Variants in ANKRD17 observed in about 807,000 individuals in gnomAD.
ANKRD17 encodes ankyrin repeat domain 17.
In ANKRD17, 19 loss-of-function variants were observed where a neutral mutation model predicts 229.7. The observed-to-expected ratio is 0.08, with a 90% CI of 0.06 to 0.12. The LOEUF (loss-of-function observed/expected upper bound fraction) is 0.12. Among genes scored for constraint, ANKRD17 ranks in the 10% least tolerant of loss-of-function variants. ANKRD17 has a pLI of 1.00. For synonymous variants in ANKRD17, 1,112 were observed against 1,146.1 expected, an observed-to-expected ratio of 0.97 and a Z score of 0.60; for missense variants, 2,176 against 3,176.8, an observed-to-expected ratio of 0.68 and a Z score of 7.57.
At chr4:73,131,472 T>C (rs1728188027) in intron 16 of ANKRD17, among the ~76,000 whole-genome samples, 1 of 152,260 alleles carries the variant, frequency 6.6e-6, no homozygotes, top group Non-Finnish European at 1.5e-5. Flanking sequence ...TTCTTCCTTA[T>C]ATTTTGATGT....
intron 16 of ANKRD17, among the ~76,000 whole-genome samples, chr4:73,130,707 G>T (rs191393846): frequency 1.3e-5 from 2 of 151,486 alleles, no homozygotes; most frequent in East Asian, 3.9e-4. Context: ...AAGCAGTTTA[G>T]GAATATAGGG....
At chr4:73,161,070 C>T (rs1298240080) in intron 3 of ANKRD17, 122 bp downstream of exon 3, 7 of 1,216,742 alleles carry the variant, frequency 5.8e-6, no homozygotes, top group Non-Finnish European at 7.8e-6. Flanking sequence ...AATAAGACAT[C>T]ACATGTTAAG....
chr4:73,186,006 G>A (rs1395557230), intron 1 of ANKRD17, among the ~76,000 whole-genome samples: 6 of 151,776 alleles, frequency 4.0e-5, no homozygotes, highest in Non-Finnish European at 7.4e-5. Flanking sequence ...AGTAAGCCTG[G>A]AAAAATATGG....
chr4:73,097,171 G>A lies in ANKRD17; in HGVS notation c.5123C>T (p.Ala1708Val). Residue 1708 changes from alanine (A) to valine (V), a missense_variant, in exon 27 of 34, where the codon GCA becomes GTA. Ala to Val is a moderately conservative substitution (Grantham distance 64). Transcript: ENST00000358602. ...LSSPNGKLTV[A>V]SPKRGQKREE... ...CCTCTTTTGCCCACGCTTAGGACTT[G>A]CTACTGTTAACTTCCCATTTGGAGA... 6.2e-7 allele frequency: 1 copy of A among 1,612,306 alleles called. No individual in the cohort carries two copies. The highest frequency in any genetic ancestry group is 8.5e-7 in the Non-Finnish European group (1 of 1,179,382).
intron 1 of ANKRD17, among the ~76,000 whole-genome samples, chr4:73,258,064 C>A (rs1176693561): frequency 6.7e-6 from 1 of 148,758 alleles, no homozygotes; most frequent in Non-Finnish European, 1.5e-5. Flanking sequence ...ACTCTGTGAA[C>A]TCCGTGGTCC....
At chr4:73,206,948 C>T (rs1299623266) in intron 1 of ANKRD17, among the ~76,000 whole-genome samples, 1 of 152,008 alleles carries the variant, frequency 6.6e-6, no homozygotes, top group Non-Finnish European at 1.5e-5. Flanking sequence ...CTCAGCCTCC[C>T]GAATAGCTGG....
chr4:73,247,015 A>C (rs545398947), intron 1 of ANKRD17, among the ~76,000 whole-genome samples: 2 of 152,224 alleles, frequency 1.3e-5, no homozygotes, highest in South Asian at 4.1e-4. Context: ...TGTGAAAACA[A>C]TGTCAAGGGA....
At chr4:73,138,138 C>T (rs1729148961) in intron 15 of ANKRD17, among the ~76,000 whole-genome samples, 1 of 152,112 alleles carries the variant, frequency 6.6e-6, no homozygotes, top group Non-Finnish European at 1.5e-5. Context: ...TTAATGGTTA[C>T]TGTGCTCCAA....
At position 73,241,206 on chromosome 4, in the gene ANKRD17, T is replaced by C. The variant is rs568249033; in HGVS notation, c.393+17070A>G. On this transcript the variant is annotated intron_variant, in intron 1 of 33. Coordinates refer to ENST00000358602, the MANE Select transcript of ANKRD17 (RefSeq NM_032217.5). ...TAAAATAAAGGCATTATTCAAATAA[T>C]GAGGACAGACTATGAAACAGATAAG... Among the ~76,000 whole-genome samples the C allele has an allele frequency of 2.0e-5, 3 of 152,308 alleles. No individual in the cohort carries two copies. The South Asian group carries it at 6.2e-4, about 32-fold the overall frequency.
At position 73,077,511 on chromosome 4, in the gene ANKRD17, A is replaced by G. The variant is rs1392807913; in HGVS notation, c.7431T>C (p.Pro2477=). 4 of 1,611,216 alleles carry G rather than the reference A, an allele frequency of 2.5e-6. No homozygotes were observed. In the Admixed American group the frequency reaches 6.7e-5, roughly 27 times the overall value. ...GNQDKVDWCN[P]GMGNPMIHRP... ...TGTGGATCATAGGATTTCCCATCCCAGGGTTACACCAGTCTACTTTGTCTG... is the reference window on the plus strand; with the variant it reads ...TGTGGATCATAGGATTTCCCATCCCGGGGTTACACCAGTCTACTTTGTCTG... Residue 2477 remains proline, a synonymous_variant, in exon 32 of 34, where the codon CCT becomes CCC. Transcript: ENST00000358602.
chr4:73,099,277 C>A, intron 25 of ANKRD17: 1 of 559,524 alleles, frequency 1.8e-6, no homozygotes, highest in Non-Finnish European at 3.2e-6. Flanking sequence ...CCACCCCCAT[C>A]CTTCCACCTG....
intron 2 of ANKRD17, among the ~76,000 whole-genome samples, chr4:73,163,015 T>A (rs1249660600): frequency 6.6e-6 from 1 of 151,310 alleles, no homozygotes; most frequent in African/African-American, 2.4e-5. Flanking sequence ...CATGTCACCA[T>A]GCCTGGCTAA....
Position 73,098,486 on chromosome 4 carries a change from G to T in ANKRD17, c.4608C>A (p.Ala1536=). 1 of 1,613,512 alleles carries T rather than the reference G, an allele frequency of 6.2e-7. No individual in the cohort carries two copies. Among genetic ancestry groups the T allele is most frequent in the Non-Finnish European group, 8.5e-7 (1 of 1,179,910 alleles). Residue 1536 remains alanine (A), a synonymous_variant, in exon 26 of 34, where the codon GCC becomes GCA. Coordinates refer to ENST00000358602, the MANE Select transcript of ANKRD17 (RefSeq NM_032217.5). ...ATATACCTATGGTAGTAGTGGTTGT[G>T]GCACTTGGAGGTTCTGTCAAGACTT... The part of the protein sequence containing the change: ...EPEVLTEPPS[A]TTTTTIGISA...
At position 73,125,075 on chromosome 4, in the gene ANKRD17, A is replaced by G; in HGVS notation, c.3347-17T>C. On this transcript the variant is annotated splice_polypyrimidine_tract_variant and intron_variant, in intron 17 of 33. Coordinates refer to ENST00000358602, the MANE Select transcript of ANKRD17 (RefSeq NM_032217.5). Reference sequence around the variant, plus strand: ...GAGTAAAACCTGGAGAAAAATAATGATCTTCTCACTACATGCTAAGGCAAA... The same window carrying G: ...GAGTAAAACCTGGAGAAAAATAATGGTCTTCTCACTACATGCTAAGGCAAA... 6.2e-7 allele frequency: 1 copy of G among 1,613,934 alleles called. No homozygotes were observed. The highest frequency in any genetic ancestry group is 8.5e-7 in the Non-Finnish European group (1 of 1,179,898).
chr4:73,154,806 C>T lies in ANKRD17; in HGVS notation c.1001-693G>A, dbSNP rs554778047. Among the ~76,000 whole-genome samples, 12 of 152,160 alleles carry T rather than the reference C, an allele frequency of 7.9e-5. No individual in the cohort carries two copies. In the East Asian group the frequency reaches 2.3e-3, roughly 29 times the overall value. On this transcript the variant is annotated intron_variant, in intron 5 of 33. Transcript: ENST00000358602. ...CCTGTAATCCCAGCACTTTGGGAGG[C>T]CGAGGCGGGCGGATCACGAGGTCAG...
At chr4:73,113,456 T>C in intron 24 of ANKRD17, 1 of 1,120,952 alleles carries the variant, frequency 8.9e-7, no homozygotes, top group South Asian at 1.5e-5. Context: ...TTACAAGGTC[T>C]AAAACAATAA....
chr4:73,078,878 T>C lies in ANKRD17; in HGVS notation c.7172A>G (p.Gln2391Arg), dbSNP rs1371936175. The change falls in exon 31 of 34, where the codon CAG (glutamine) becomes CGG (arginine). Residue 2391 changes from glutamine to arginine, a missense_variant. Coordinates refer to ENST00000358602, the MANE Select transcript of ANKRD17 (RefSeq NM_032217.5). ...CSSASNDSSAQSVSSGVRAPS... is the reference protein window; with the variant it reads ...CSSASNDSSARSVSSGVRAPS... ...TGCACGAACTCCCGAGGATACTGAC[T>C]GTGCAGAAGAATCTAGAGAAGAGAT... 1 of 1,613,552 alleles carries C rather than the reference T, an allele frequency of 6.2e-7. No individual in the cohort carries two copies. Among genetic ancestry groups the C allele is most frequent in the Admixed American group, 1.7e-5 (1 of 59,862 alleles).
intron 1 of ANKRD17, among the ~76,000 whole-genome samples, chr4:73,183,192 C>T (rs1351046278): frequency 6.6e-6 from 1 of 152,044 alleles, no homozygotes; most frequent in African/African-American, 2.4e-5. Flanking sequence ...AATAATAGGT[C>T]TTACTTAAAT....
intron 3 of ANKRD17, among the ~76,000 whole-genome samples, chr4:73,158,182 A>AAGAAAGAAAGAAAGAAAGAGAGAG (rs1732002950): frequency 4.0e-5 from 6 of 150,600 alleles, no homozygotes; most frequent in African/African-American, 1.5e-4. Context: ...GAAAGAAAGA[A>AAGAAAGAAAGAAAGAAAGAGAGAG]AGAAAGAGAG....
Sources: allele counts gnomAD v4.1 joint callset (sites outside exome capture counted in the v4.1 genomes callset), GRCh38; gene constraint gnomAD v4.1.1; transcripts MANE v1.5; gene names NCBI Gene and HGNC (gene_info 2026-07-23, HGNC 2026-07-21).